The following PPP1R21 variants were observed in gnomAD, a reference collection of about 807,000 sequenced individuals.
PPP1R21 encodes KLRAQ motif containing 1.
A neutral mutation model predicts 112.8 loss-of-function variants in PPP1R21; 85 were observed. The ratio of observed to expected loss-of-function variants is 0.75; its 90% confidence interval spans 0.63 to 0.90. PPP1R21 has a LOEUF of 0.90. Ranked by LOEUF, PPP1R21 falls within the 40% of genes least tolerant of loss-of-function variation. PPP1R21 has a pLI of 0.00. For missense variants in PPP1R21, 1,199 were observed against 901.5 expected, an observed-to-expected ratio of 1.33 and a Z score of -4.23; for synonymous variants, 381 against 322.3, an observed-to-expected ratio of 1.18 and a Z score of -1.95.
intron 9 of PPP1R21, 81 bp downstream of exon 9, chr2:48,465,723 C>G: frequency 7.8e-7 from 1 of 1,285,986 alleles, no homozygotes; most frequent in Non-Finnish European, 1.1e-6. Flanking sequence ...CTTCTGTGCA[C>G]CATCCAAGTA....
At chr2:48,512,994 T>G (rs1325435801) in intron 21 of PPP1R21, among the ~76,000 whole-genome samples, 1 of 152,228 alleles carries the variant, frequency 6.6e-6, no homozygotes, top group Admixed American at 6.5e-5. Flanking sequence ...ATGTATAATT[T>G]GTTTTAGTGT....
At chr2:48,476,514 G>C (rs1008273052) in intron 12 of PPP1R21, among the ~76,000 whole-genome samples, 1 of 152,170 alleles carries the variant, frequency 6.6e-6, no homozygotes, top group Admixed American at 6.6e-5. Flanking sequence ...TTAACTGTTT[G>C]AGGAGCTGCT....
chr2:48,448,795 C>T (rs1667357726), intron 1 of PPP1R21, among the ~76,000 whole-genome samples: 1 of 152,196 alleles, frequency 6.6e-6, no homozygotes, highest in African/African-American at 2.4e-5. Context: ...ACTTCTAGAG[C>T]AGAGTTTACC....
At chr2:48,466,086 C>T (rs111871243) in intron 9 of PPP1R21, among the ~76,000 whole-genome samples, 2,610 of 152,242 alleles carry the variant, frequency 0.017, 69 homozygotes, top group African/African-American at 0.057. Context: ...GAGAACAGCA[C>T]GGGAAAGACC....
intron 13 of PPP1R21, among the ~76,000 whole-genome samples, chr2:48,480,951 G>A (rs1409743406): frequency 4.6e-5 from 7 of 152,114 alleles, no homozygotes; most frequent in African/African-American, 9.7e-5. Flanking sequence ...TTCAGTCTAC[G>A]GTATGGGCCT....
chr2:48,464,594 G>T (rs78982150), intron 7 of PPP1R21, among the ~76,000 whole-genome samples: 4,385 of 152,204 alleles, frequency 0.029, 191 homozygotes, highest in African/African-American at 0.1. Flanking sequence ...GCTTTGTGGA[G>T]GGTTATTTTA....
chr2:48,493,108 C>A (rs1669647683), intron 15 of PPP1R21, among the ~76,000 whole-genome samples: 1 of 149,344 alleles, frequency 6.7e-6, no homozygotes, highest in South Asian at 2.1e-4. Context: ...CGGGTTCACA[C>A]CATTCTCCTG....
intron 14 of PPP1R21, among the ~76,000 whole-genome samples, chr2:48,490,719 A>G (rs1053425565): frequency 1.3e-5 from 2 of 152,228 alleles, no homozygotes; most frequent in Admixed American, 1.3e-4. Flanking sequence ...TAAAGAGCTC[A>G]TGAAAGTCAC....
intron 12 of PPP1R21, among the ~76,000 whole-genome samples, chr2:48,477,644 AT>A (rs1668817250): frequency 6.8e-6 from 1 of 147,658 alleles, no homozygotes; most frequent in Non-Finnish European, 1.5e-5. Context: ...AAATTTCGAG[AT>A]TAGGAAGCGT....
rs565416009 is a variant in PPP1R21, at chr2:48,503,790, T to TA, written c.1936-1761dup. ...GTGAAACCCCATCTCTACTAAAGAT[T>TA]AAAAAAAAAAAAATTAGCTGGGCGT... On this transcript the variant is annotated intron_variant, in intron 17 of 21. Coordinates refer to ENST00000294952, the MANE Select transcript of PPP1R21 (RefSeq NM_001135629.3). Among the ~76,000 whole-genome samples the TA allele has an allele frequency of 1.5e-3, 218 of 143,614 alleles. 1 individual carries two copies. Among genetic ancestry groups the TA allele is most frequent in the Non-Finnish European group, 1.7e-3 (112 of 65,098 alleles). 94.2% of individuals were successfully genotyped at this position (143,614 alleles called of 152,430 possible). A position where few individuals can be genotyped will look rare whatever the true frequency, so the allele number is the denominator to read the frequency against.
intron 19 of PPP1R21, among the ~76,000 whole-genome samples, chr2:48,508,968 A>G (rs1296046177): frequency 6.6e-6 from 1 of 152,126 alleles, no homozygotes; most frequent in Non-Finnish European, 1.5e-5. Context: ...ACATGACTTT[A>G]CTGCTCTGAG....
At chr2:48,478,000 G>C (rs371471429) in intron 12 of PPP1R21, among the ~76,000 whole-genome samples, 1 of 152,156 alleles carries the variant, frequency 6.6e-6, no homozygotes, top group African/African-American at 2.4e-5. Context: ...GAGAGATTTC[G>C]AGACAGAGAC....
At chr2:48,455,147 T>A (rs991591316) in intron 3 of PPP1R21, among the ~76,000 whole-genome samples, 32 of 149,078 alleles carry the variant, frequency 2.1e-4, no homozygotes, top group African/African-American at 7.7e-4. Context: ...CCTGAATTTT[T>A]TTTTTTTTTT....
chr2:48,443,485 C>T (rs13021354), intron 1 of PPP1R21, among the ~76,000 whole-genome samples: 11 of 152,108 alleles, frequency 7.2e-5, no homozygotes, highest in East Asian at 3.8e-4. Flanking sequence ...AGTCCCATCA[C>T]GATGCACTTT....
chr2:48,458,834 T>C (rs749419073), intron 4 of PPP1R21, among the ~76,000 whole-genome samples: 9 of 152,154 alleles, frequency 5.9e-5, no homozygotes, highest in Non-Finnish European at 1.2e-4. Flanking sequence ...GTCTCATGCC[T>C]GTAATCCCAG....
At chr2:48,494,003 C>G (rs1442946849) in intron 15 of PPP1R21, among the ~76,000 whole-genome samples, 1 of 138,238 alleles carries the variant, frequency 7.2e-6, no homozygotes, top group Non-Finnish European at 1.5e-5. Context: ...GGGAGGATCA[C>G]TTGAGTCCAG....
At chr2:48,472,117 A>G (rs529990755) in intron 11 of PPP1R21, among the ~76,000 whole-genome samples, 229 of 149,550 alleles carry the variant, frequency 1.5e-3, no homozygotes, top group Admixed American at 2.5e-3. Context: ...GTGCATCCCT[A>G]TAGTCCCAGC....
chr2:48,496,470 GTT>G (rs11305363), intron 16 of PPP1R21, among the ~76,000 whole-genome samples: 96 of 136,244 alleles, frequency 7.0e-4, no homozygotes, highest in Middle Eastern at 3.7e-3. Flanking sequence ...TGGGTTTTGG[GTT>G]TTTTTTTTTT....
chr2:48,494,810 G>C (rs377461536), intron 15 of PPP1R21, among the ~76,000 whole-genome samples: 1 of 151,860 alleles, frequency 6.6e-6, no homozygotes, highest in African/African-American at 2.4e-5. Flanking sequence ...CTCTGCCTTC[G>C]GGGTTCAAAG....
Sources: allele counts gnomAD v4.1 joint callset (sites outside exome capture counted in the v4.1 genomes callset), GRCh38; gene constraint gnomAD v4.1.1; transcripts MANE v1.5; gene names NCBI Gene and HGNC (gene_info 2026-07-23, HGNC 2026-07-21).